CSTF1: variants seen among roughly 807,000 people sequenced by gnomAD.
The protein encoded by CSTF1 is cleavage stimulation factor subunit 1.
In CSTF1, 2 loss-of-function variants were observed where a neutral mutation model predicts 40.9. The ratio of observed to expected loss-of-function variants is 0.05; its 90% CI spans 0.02 to 0.15. CSTF1 has a LOEUF of 0.15. Ranked by LOEUF, CSTF1 falls within the 10% of genes least tolerant of loss-of-function variation. The pLI is 1.00. For synonymous variants in CSTF1, 218 were observed against 207.2 expected (o/e 1.05, Z -0.45); for missense variants, 279 against 558.9 (o/e 0.50, Z 5.05).
chr20:56,406,160 G>A lies in CSTF1; in HGVS notation c.*2433G>A, dbSNP rs2146253324. The A allele has an allele frequency of 6.6e-6, 1 of 151,900 alleles. No homozygotes were observed. The allele number at this position is 151,900 out of a possible 1,614,324, so 9.4% of individuals were successfully genotyped here. A position where few individuals can be genotyped will look rare whatever the true frequency, so the allele number is the denominator to read the frequency against. Reference sequence around the variant, plus strand: ...TGGTTGGTTGGTTTTTGGTTTTTTTGCTTTTTAAAGGTCACAGTGTTGTGA... The same window carrying A: ...TGGTTGGTTGGTTTTTGGTTTTTTTACTTTTTAAAGGTCACAGTGTTGTGA... On this transcript the variant is annotated 3_prime_UTR_variant, in exon 6 of 6. Transcript: ENST00000217109.
rs1978656771 is a variant in CSTF1 at position 56,405,255 on chromosome 20, T to TA, written c.*1528_*1529insA. On this transcript the variant is annotated 3_prime_UTR_variant, in exon 6 of 6. Coordinates refer to ENST00000217109, the MANE Select transcript of CSTF1 (RefSeq NM_001324.3). ...GAGTTTCGCTCTTGTCCCCCAGGCT[T>TA]TAGTGCAATGGCGCGATCTCGGCTC... 6.6e-6 allele frequency: 1 copy of TA among 152,070 alleles called. No homozygotes were observed. The highest frequency in any genetic ancestry group is 1.5e-5 in the Non-Finnish European group (1 of 68,028). 9.4% of individuals were successfully genotyped at this position (152,070 alleles called of 1,614,324 possible).
chr20:56,401,106 T>C lies in CSTF1; in HGVS notation c.1036+1749T>C, dbSNP rs143320987. ...TTTGAAATGATGAAAAAGGAAAAAC[T>C]ATCAAAACTTTAGAAATTGGGATGC... is the stretch of plus-strand genomic sequence containing the variant. On this transcript the variant is annotated intron_variant, in intron 5 of 5. Coordinates refer to ENST00000217109, the MANE Select transcript of CSTF1 (RefSeq NM_001324.3). Among the ~76,000 whole-genome samples the C allele has an allele frequency of 5.5e-3, 842 of 152,230 alleles. 10 individuals carry two copies. The highest frequency in any genetic ancestry group is 0.019 in the African/African-American group (805 of 41,548).
At chr20:56,393,849 T>C (rs999297559) in intron 1 of CSTF1, among the ~76,000 whole-genome samples, 17 of 152,176 alleles carry the variant, frequency 1.1e-4, no homozygotes, top group African/African-American at 3.6e-4. Flanking sequence ...GGTCAGACTT[T>C]AGGCAGGTAA....
In CSTF1 at chr20:56,404,315, T is replaced by G. The variant is rs1204663201; in HGVS notation, c.*588T>G. The G allele has an allele frequency of 6.6e-6, 1 of 152,506 alleles. No individual in the cohort carries two copies. The highest frequency in any genetic ancestry group is 1.5e-5 in the Non-Finnish European group (1 of 68,248). 9.4% of individuals were successfully genotyped at this position (152,506 alleles called of 1,614,324 possible). On this transcript the variant is annotated 3_prime_UTR_variant, in exon 6 of 6. Transcript: ENST00000217109. The stretch of plus-strand genomic sequence containing the variant: ...TAATGGCCAGTTTTTCCTGACAATT[T>G]ATAGGAACAGTATCTTTCAACATAC...
At position 56,400,288 on chromosome 20, in the gene CSTF1, G is replaced by C. The variant is rs1000880466; in HGVS notation, c.1036+931G>C. Among the ~76,000 whole-genome samples the C allele has an allele frequency of 2.6e-5, 4 of 152,214 alleles. No homozygotes were observed. In the South Asian group the frequency reaches 6.2e-4, roughly 24 times the overall value. ...TTCCCCAGCCATCTTTCTGGCTTCT[G>C]GTACCACTAGCAAATCTTAGGAAGA... On this transcript the variant is annotated intron_variant, in intron 5 of 5. Coordinates refer to ENST00000217109, the MANE Select transcript of CSTF1 (RefSeq NM_001324.3).
At position 56,404,794 on chromosome 20, in the gene CSTF1, C is replaced by T. The variant is rs1163421127; in HGVS notation, c.*1067C>T. On this transcript the variant is annotated 3_prime_UTR_variant, in exon 6 of 6. Transcript: ENST00000217109. Reference sequence around the variant, plus strand: ...CCAAGTAGCTGGGACTACAGGCACCCACCACCACGCCCGGCTAATTTTTTT... The same window carrying T: ...CCAAGTAGCTGGGACTACAGGCACCTACCACCACGCCCGGCTAATTTTTTT... 1.5e-5 allele frequency: 2 copies of T among 134,200 alleles called. No homozygotes were observed. Among genetic ancestry groups the T allele is most frequent in the Non-Finnish European group, 3.1e-5 (2 of 64,104 alleles). The allele number at this position is 134,200 out of a possible 1,614,324, so 8.3% of individuals were successfully genotyped here.
chr20:56,403,333 C>G, intron 5 of CSTF1, 135 bp from the exon 6 acceptor site: 2 of 1,086,982 alleles, frequency 1.8e-6, no homozygotes, highest in Non-Finnish European at 2.6e-6. Flanking sequence ...CTTTTTTGTA[C>G]TTTTTTAGAG....
Position 56,403,680 on chromosome 20 carries a change from G to A in CSTF1, c.1249G>A (p.Asp417Asn). ...PTNPGFMTCS[D>N]DFRARFWYRR... ...CAACCCCGGGTTCATGACGTGCAGC[G>A]ATGACTTCAGAGCGCGGTTTTGGTA... Residue 417 changes from aspartate (D) to asparagine (N), a missense_variant, in exon 6 of 6, where the codon GAT (aspartate) becomes AAT (asparagine). Around this residue, in one of 4 missense-constraint regions of CSTF1, gnomAD observed 162 missense variants for 337.1 expected, o/e 0.48. Coordinates refer to ENST00000217109, the MANE Select transcript of CSTF1 (RefSeq NM_001324.3). 3 of 1,614,072 alleles carry A rather than the reference G, an allele frequency of 1.9e-6. No individual in the cohort carries two copies. The highest frequency in any genetic ancestry group is 2.5e-6 in the Non-Finnish European group (3 of 1,180,016).
At chr20:56,401,028 G>A (rs1355746167) in intron 5 of CSTF1, among the ~76,000 whole-genome samples, 1 of 152,142 alleles carries the variant, frequency 6.6e-6, no homozygotes, top group African/African-American at 2.4e-5. Context: ...GACAGAGTAA[G>A]ACTCCGTCTC....
At position 56,404,330 on chromosome 20, in the gene CSTF1, TTTCAACATACTCCCTACATTATCC is replaced by T. The variant is rs1978611630; in HGVS notation, c.*609_*632del. ...CCTGACAATTTATAGGAACAGTATC[TTTCAACATACTCCCTACATTATCC>T]TTCAATATCTGCAATACTTGTCTTT... On this transcript the variant is annotated 3_prime_UTR_variant, in exon 6 of 6. Transcript: ENST00000217109. The T allele has an allele frequency of 3.3e-5, 5 of 152,408 alleles. No individual in the cohort carries two copies. In the South Asian group the frequency reaches 1.0e-3, roughly 31 times the overall value. The allele number at this position is 152,408 out of a possible 1,614,324, so 9.4% of individuals were successfully genotyped here. A position where few individuals can be genotyped will look rare whatever the true frequency, so the allele number is the denominator to read the frequency against.
intron 2 of CSTF1, 199 bp downstream of exon 2, chr20:56,395,920 T>C: frequency 1.8e-6 from 1 of 559,110 alleles, no homozygotes; most frequent in Non-Finnish European, 3.1e-6. Flanking sequence ...ATGAAGACCT[T>C]AAGCTGGTTC....
At chr20:56,402,947 A>AT (rs1491258997) in intron 5 of CSTF1, among the ~76,000 whole-genome samples, 1 of 151,964 alleles carries the variant, frequency 6.6e-6, no homozygotes, top group Non-Finnish European at 1.5e-5. Context: ...AAAAAAAAAA[A>AT]AGATCACACA....
intron 2 of CSTF1, chr20:56,396,875 GA>G (rs1335088431): frequency 1.9e-5 from 4 of 211,480 alleles, no homozygotes; most frequent in Non-Finnish European, 3.7e-5. Context: ...ATTTGGAATG[GA>G]AAAAAATGGA....
intron 1 of CSTF1, among the ~76,000 whole-genome samples, chr20:56,394,698 A>T (rs1255448442): frequency 2.0e-5 from 3 of 152,366 alleles, no homozygotes; most frequent in Non-Finnish European, 4.4e-5. Flanking sequence ...AAAGGCATTG[A>T]TTTTTGGTAA....
In CSTF1 at chr20:56,397,479, A is replaced by G. The variant is rs760868937; in HGVS notation, c.442A>G (p.Ile148Val). Residue 148 changes from isoleucine (I) to valine (V), a missense_variant, in exon 3 of 6, where the codon ATA (isoleucine) becomes GTA (valine). By Grantham distance (29) the Ile-to-Val change is conservative. Coordinates refer to ENST00000217109, the MANE Select transcript of CSTF1 (RefSeq NM_001324.3). The surrounding 1 kb of genome is among the most constrained non-coding windows in gnomAD (Gnocchi z 4.4). Reference sequence around the variant, plus strand: ...GATGTTGGCCAAAAGTGCCATGCCAATAGAGGTAAAAATTCCAGTCACATA... The same window carrying G: ...GATGTTGGCCAAAAGTGCCATGCCAGTAGAGGTAAAAATTCCAGTCACATA... ...ERMLAKSAMPIEVMMNETAQQ... is the reference protein window; with the variant it reads ...ERMLAKSAMPVEVMMNETAQQ... The G allele has an allele frequency of 1.9e-6, 3 of 1,612,756 alleles. No individual in the cohort carries two copies. Among genetic ancestry groups the G allele is most frequent in the East Asian group, 2.2e-5 (1 of 44,864 alleles).
In CSTF1 at chr20:56,405,198, T is replaced by C. The variant is rs10470034; in HGVS notation, c.*1471T>C. 3 of 149,872 alleles carry C rather than the reference T, an allele frequency of 2.0e-5. No individual in the cohort carries two copies. The highest frequency in any genetic ancestry group is 2.0e-4 in the Admixed American group (3 of 15,152). 9.3% of individuals were successfully genotyped at this position (149,872 alleles called of 1,614,324 possible). A position where few individuals can be genotyped will look rare whatever the true frequency, so the allele number is the denominator to read the frequency against. On this transcript the variant is annotated 3_prime_UTR_variant, in exon 6 of 6. Coordinates refer to ENST00000217109, the MANE Select transcript of CSTF1 (RefSeq NM_001324.3). ...CTTTATATTATAGGAAGTTTTGTTT[T>C]GTTTTGTTTTGTTTGTTTTGTTTTT... is the stretch of plus-strand genomic sequence containing the variant.
At chr20:56,403,363 T>C (rs748570520) in intron 5 of CSTF1, 105 bp from the exon 6 acceptor site, 76 of 1,311,584 alleles carry the variant, frequency 5.8e-5, no homozygotes, top group Non-Finnish European at 7.8e-5. Context: ...GTGTACAAGG[T>C]GTATCACTGC....
Position 56,397,069 on chromosome 20 carries a change from T to C in CSTF1, c.170-138T>C. 1 of 856,638 alleles carries C rather than the reference T, an allele frequency of 1.2e-6. No individual in the cohort carries two copies. Among genetic ancestry groups the C allele is most frequent in the Non-Finnish European group, 1.8e-6 (1 of 559,296 alleles). 53.1% of individuals were successfully genotyped at this position (856,638 alleles called of 1,614,324 possible). ...GGGCAAAATACACAGTTTTGTAAAG[T>C]GTTAGGTGTCACGCGGCTCCAAGAA... On this transcript the variant is annotated intron_variant, in intron 2 of 5. Transcript: ENST00000217109. This position sits in a 1 kb window ranked among gnomAD's most constrained non-coding sequence, Gnocchi z 4.4.
chr20:56,399,614 T>G lies in CSTF1; in HGVS notation c.1036+257T>G, dbSNP rs1978367889. Among the ~76,000 whole-genome samples the G allele has an allele frequency of 6.6e-6, 1 of 152,230 alleles. No homozygotes were observed. The highest frequency in any genetic ancestry group is 1.5e-5 in the Non-Finnish European group (1 of 68,044). On this transcript the variant is annotated intron_variant, in intron 5 of 5. Coordinates refer to ENST00000217109, the MANE Select transcript of CSTF1 (RefSeq NM_001324.3). The surrounding 1 kb of genome is among the most constrained non-coding windows in gnomAD (Gnocchi z 4.6). Reference sequence around the variant, plus strand: ...GGACTAGGGCTGGATTCCATGCAAGTAACATTTGAGAACCTGGTGATCCAT... The same window carrying G: ...GGACTAGGGCTGGATTCCATGCAAGGAACATTTGAGAACCTGGTGATCCAT...
Sources: gnomAD v4.1 joint callset for allele counts (sites outside exome capture counted in the v4.1 genomes callset) on GRCh38, gnomAD v4.1.1 for gene constraint, gnomAD v4.1.1 regional missense constraint, Gnocchi (gnomAD v3.1) non-coding constraint, MANE v1.5 for transcripts, NCBI Gene and HGNC (gene_info 2026-07-23, HGNC 2026-07-21) for gene names.